Variants in SLC25A27 observed in about 807,000 individuals in gnomAD.
SLC25A27 encodes solute carrier family 25 member 27.
Under a neutral mutation model 49.1 loss-of-function variants are expected in SLC25A27, and 35 were observed. The ratio of observed to expected loss-of-function variants is 0.71; its 90% CI spans 0.54 to 0.95. The LOEUF is 0.95. SLC25A27 is among the 40% of genes least tolerant of loss of function. The pLI, the probability that SLC25A27 is intolerant of heterozygous loss-of-function variation, is 0.00. For missense variants in SLC25A27, 339 were observed against 397.1 expected (o/e 0.85, Z 1.24); for synonymous variants, 144 against 136.9 (o/e 1.05, Z -0.36).
At position 46,653,149 on chromosome 6, in the gene SLC25A27, G is replaced by T. The variant is rs541018088; in HGVS notation, c.-44G>T. ...AGCGGCCGCCGCGGCGCGGTGCAGC[G>T]CAGCGGCGAGAAGGAGTGCGTTATC... On this transcript the variant is annotated 5_prime_UTR_variant, in exon 1 of 9. Coordinates refer to ENST00000371347, the MANE Select transcript of SLC25A27 (RefSeq NM_004277.5). 1.3e-5 allele frequency: 20 copies of T among 1,566,912 alleles called. 1 individual carries two copies. The Admixed American group carries it at 3.4e-4, about 27-fold the overall frequency.
At chr6:46,669,032 A>G (rs1763422101) in intron 6 of SLC25A27, among the ~76,000 whole-genome samples, 1 of 152,182 alleles carries the variant, frequency 6.6e-6, no homozygotes, top group African/African-American at 2.4e-5. Flanking sequence ...TGATGGGGCC[A>G]TCCCAGGAAC....
At chr6:46,662,856 T>C (rs1367586001) in intron 4 of SLC25A27, among the ~76,000 whole-genome samples, 1 of 152,240 alleles carries the variant, frequency 6.6e-6, no homozygotes, top group African/African-American at 2.4e-5. Flanking sequence ...TTAACATTTC[T>C]GGTCTCTTGG....
chr6:46,677,068 T>C lies in SLC25A27; in HGVS notation c.*614T>C, dbSNP rs1399180435. 3.0e-5 allele frequency: 6 copies of C among 200,870 alleles called. No homozygotes were observed. Among genetic ancestry groups the C allele is most frequent in the Admixed American group, 2.7e-4 (5 of 18,214 alleles). The allele number at this position is 200,870 out of a possible 1,614,324, so 12.4% of individuals were successfully genotyped here. ...GATAAAAAAAATCAAGTTGAGATGATGTTTGAATTTCAAGAAAAGAGGCTG... is the reference window on the plus strand; with the variant it reads ...GATAAAAAAAATCAAGTTGAGATGACGTTTGAATTTCAAGAAAAGAGGCTG... On this transcript the variant is annotated 3_prime_UTR_variant, in exon 9 of 9. Transcript: ENST00000371347.
At position 46,668,690 on chromosome 6, in the gene SLC25A27, A is replaced by C. The variant is rs773796986; in HGVS notation, c.620-19A>C. The C allele has an allele frequency of 2.7e-6, 4 of 1,463,762 alleles. No homozygotes were observed. Among genetic ancestry groups the C allele is most frequent in the Non-Finnish European group, 3.8e-6 (4 of 1,044,658 alleles). The allele number at this position is 1,463,762 out of a possible 1,614,324, so 90.7% of individuals were successfully genotyped here. On this transcript the variant is annotated intron_variant, in intron 5 of 8. Coordinates refer to ENST00000371347, the MANE Select transcript of SLC25A27 (RefSeq NM_004277.5). Reference sequence around the variant, plus strand: ...ATTCACTGTTGACTGATGAATATTTAAACTTTTTCCATTGCCAGATTTAAC... The same window carrying C: ...ATTCACTGTTGACTGATGAATATTTCAACTTTTTCCATTGCCAGATTTAAC...
chr6:46,653,406 C>A, intron 1 of SLC25A27, 108 bp downstream of exon 1: 1 of 1,441,490 alleles, frequency 6.9e-7, no homozygotes, highest in South Asian at 1.5e-5. Context: ...AGAGGTCGCC[C>A]CTTCCATGCC....
chr6:46,662,566 T>G (rs1299909473), intron 4 of SLC25A27, 68 bp downstream of exon 4: 1 of 1,508,430 alleles, frequency 6.6e-7, no homozygotes, highest in Admixed American at 1.8e-5. Context: ...AACAAGTACC[T>G]AATAGAATTA....
rs759008964 is a variant in SLC25A27 at position 46,676,619 on chromosome 6, C to T, written c.*165C>T. On this transcript the variant is annotated 3_prime_UTR_variant, in exon 9 of 9. Transcript: ENST00000371347. The stretch of plus-strand genomic sequence containing the variant: ...TTATTTTTTTCTGGAAACCCAAGTT[C>T]TCTTTGACTCCTCTTTTTGTCCAAA... The T allele has an allele frequency of 6.4e-7, 1 of 1,551,872 alleles. No individual in the cohort carries two copies. The highest frequency in any genetic ancestry group is 8.7e-7 in the Non-Finnish European group (1 of 1,147,230).
rs1763867605 is a variant in SLC25A27 at position 46,678,062 on chromosome 6, ATATG to A, written c.*1609_*1612del. ...TATATATATATATATATATATATAT[ATATG>A]CTTAACTTCCCAAGTGTTCTGCATT... is the stretch of plus-strand genomic sequence containing the variant. On this transcript the variant is annotated 3_prime_UTR_variant, in exon 9 of 9. Transcript: ENST00000371347. The A allele has an allele frequency of 1.6e-5, 2 of 128,842 alleles. No homozygotes were observed. Among genetic ancestry groups the A allele is most frequent in the Non-Finnish European group, 3.3e-5 (2 of 60,094 alleles). The allele number at this position is 128,842 out of a possible 1,614,324, so 8.0% of individuals were successfully genotyped here. A position where few individuals can be genotyped will look rare whatever the true frequency, so the allele number is the denominator to read the frequency against.
At chr6:46,669,353 G>C (rs1763436267) in intron 6 of SLC25A27, among the ~76,000 whole-genome samples, 1 of 152,170 alleles carries the variant, frequency 6.6e-6, no homozygotes, top group Non-Finnish European at 1.5e-5. Context: ...GATACGAAGG[G>C]CTTTCCAGGA....
intron 5 of SLC25A27, 38 bp downstream of exon 5, chr6:46,664,924 T>C: frequency 9.4e-7 from 1 of 1,068,278 alleles, no homozygotes; most frequent in Non-Finnish European, 1.4e-6. Context: ...AAGTCCTAAT[T>C]GCCTTAATAG....
At chr6:46,656,282 G>A (rs1025365096) in intron 2 of SLC25A27, among the ~76,000 whole-genome samples, 2 of 151,588 alleles carry the variant, frequency 1.3e-5, no homozygotes, top group Non-Finnish European at 2.9e-5. Flanking sequence ...CCAGGTTCAA[G>A]CGATTCTCCT....
intron 4 of SLC25A27, among the ~76,000 whole-genome samples, chr6:46,663,349 C>T (rs371503941): frequency 1.3e-5 from 2 of 152,108 alleles, no homozygotes; most frequent in East Asian, 1.9e-4. Flanking sequence ...TGCTGTCTGC[C>T]CCTCTTCATG....
rs1302718623 is a variant in SLC25A27, at chr6:46,664,858, A to T, written c.591A>T (p.Ile197=). Residue 197 remains isoleucine, a synonymous_variant, in exon 5 of 9, where the codon ATA becomes ATT. Coordinates refer to ENST00000371347, the MANE Select transcript of SLC25A27 (RefSeq NM_004277.5). ...TTTGGGCAGGCTGGGTACCCAATAT[A>T]CAAAGAGCAGCACTGGTGAATATGG... ...RGLWAGWVPN[I]QRAALVNMGD... The T allele has an allele frequency of 3.1e-6, 5 of 1,604,716 alleles. No individual in the cohort carries two copies. Among genetic ancestry groups the T allele is most frequent in the Non-Finnish European group, 4.3e-6 (5 of 1,174,874 alleles).
At position 46,668,813 on chromosome 6, in the gene SLC25A27, G is replaced by C. The variant is rs748680941; in HGVS notation, c.704+20G>C. ...ATCAAGGTAAGGATTGTTTTAGTTG[G>C]ACTCTGTTTTTTTTTTTTGTATCAC... On this transcript the variant is annotated intron_variant, in intron 6 of 8. Transcript: ENST00000371347. 7 of 1,424,062 alleles carry C rather than the reference G, an allele frequency of 4.9e-6. No homozygotes were observed. Among genetic ancestry groups the C allele is most frequent in the Non-Finnish European group, 5.9e-6 (6 of 1,022,808 alleles). The allele number at this position is 1,424,062 out of a possible 1,614,324, so 88.2% of individuals were successfully genotyped here.
chr6:46,666,700 A>G (rs989324194), intron 5 of SLC25A27, among the ~76,000 whole-genome samples: 5 of 152,154 alleles, frequency 3.3e-5, no homozygotes, highest in Non-Finnish European at 5.9e-5. Flanking sequence ...TACTTTGAAT[A>G]TGTCCAAACC....
At chr6:46,664,036 A>G (rs1184103105) in intron 4 of SLC25A27, among the ~76,000 whole-genome samples, 2 of 152,208 alleles carry the variant, frequency 1.3e-5, no homozygotes, top group African/African-American at 4.8e-5. Context: ...TGTGTGTCCA[A>G]TAAATATGTG....
At chr6:46,673,481 G>A (rs1354569642) in intron 8 of SLC25A27, among the ~76,000 whole-genome samples, 1 of 152,180 alleles carries the variant, frequency 6.6e-6, no homozygotes, top group East Asian at 1.9e-4. Flanking sequence ...TAGTGGAGTG[G>A]AAATGGCTAT....
intron 3 of SLC25A27, among the ~76,000 whole-genome samples, chr6:46,662,048 A>G (rs1206119447): frequency 6.6e-6 from 1 of 152,216 alleles, no homozygotes; most frequent in Non-Finnish European, 1.5e-5. Flanking sequence ...TGTTAGGCTG[A>G]CTACATCTAT....
In SLC25A27 at chr6:46,671,236, T is replaced by A; in HGVS notation, c.900+8T>A. On this transcript the variant is annotated splice_region_variant and intron_variant, in intron 8 of 8. Transcript: ENST00000371347. ...CCATCTTGGCTGAGAATGGTAAAGT[T>A]AGGTTTACTTCCTTTGTTTTTTTTC... is the stretch of plus-strand genomic sequence containing the variant. 1 of 1,434,270 alleles carries A rather than the reference T, an allele frequency of 7.0e-7. No homozygotes were observed. The highest frequency in any genetic ancestry group is 2.3e-5 in the Admixed American group (1 of 43,870). The allele number at this position is 1,434,270 out of a possible 1,614,324, so 88.8% of individuals were successfully genotyped here. A position where few individuals can be genotyped will look rare whatever the true frequency, so the allele number is the denominator to read the frequency against.
Sources: gnomAD v4.1 joint callset for allele counts (sites outside exome capture counted in the v4.1 genomes callset) on GRCh38, gnomAD v4.1.1 for gene constraint, MANE v1.5 for transcripts, NCBI Gene and HGNC (gene_info 2026-07-23, HGNC 2026-07-21) for gene names.